C16orf46: variants seen among roughly 807,000 people sequenced by gnomAD.
The protein encoded by C16orf46 is uncharacterized protein C16orf46.
A neutral mutation model predicts 5.5 loss-of-function variants in C16orf46; 7 were observed. The observed-to-expected ratio is 1.28, with a 90% CI of 0.73 to 2.40. The LOEUF (loss-of-function observed/expected upper bound fraction) is 2.40, where lower values mean the gene tolerates loss of function less well. C16orf46 is among the 30% of genes most tolerant of loss of function. C16orf46 has a pLI of 0.00. For synonymous variants in C16orf46, 200 were observed against 184.1 expected (o/e 1.09, Z -0.70); for missense variants, 614 against 476.0 (o/e 1.29, Z -2.70).
At chr16:81,063,480 A>G (rs1232633627) in intron 3 of C16orf46, among the ~76,000 whole-genome samples, 1 of 152,094 alleles carries the variant, frequency 6.6e-6, no homozygotes, top group Non-Finnish European at 1.5e-5. Context: ...TGGGAAGAAA[A>G]CTTGCCCCAT....
At position 81,061,895 on chromosome 16, in the gene C16orf46, A is replaced by G; in HGVS notation, c.454T>C (p.Phe152Leu). ...TTCTCTGCTCGAAAGTAGGTGGGAA[A>G]GCAGATGTCGCTAATTGCCCTGGAA... Reference protein sequence around the residue: ...TASRAISDICFPTYFRAEKKS... With the variant: ...TASRAISDICLPTYFRAEKKS... The change falls in exon 4 of 4, where the codon TTT (phenylalanine) becomes CTT (leucine). Residue 152 changes from phenylalanine to leucine, a missense_variant. Coordinates refer to ENST00000299578, the MANE Select transcript of C16orf46 (RefSeq NM_152337.3). The G allele has an allele frequency of 6.2e-7, 1 of 1,614,212 alleles. No individual in the cohort carries two copies. The highest frequency in any genetic ancestry group is 8.5e-7 in the Non-Finnish European group (1 of 1,180,034).
downstream of C16orf46, chr16:81,060,950 T>G: frequency 7.4e-7 from 1 of 1,344,144 alleles, no homozygotes; most frequent in Non-Finnish European, 9.5e-7. Flanking sequence ...ATGAATATGG[T>G]GTTTTAGAAA....
At chr16:81,064,575 C>T (rs922888736) in intron 2 of C16orf46, among the ~76,000 whole-genome samples, 1 of 151,748 alleles carries the variant, frequency 6.6e-6, no homozygotes, top group Admixed American at 6.6e-5. Flanking sequence ...TGGCGAAACC[C>T]CATCTCTACC....
intron 2 of C16orf46, among the ~76,000 whole-genome samples, chr16:81,065,923 A>T (rs1263732002): frequency 6.6e-6 from 1 of 151,380 alleles, no homozygotes; most frequent in Non-Finnish European, 1.5e-5. Context: ...CACTGACAAA[A>T]TTTACTGGAG....
intron 1 of C16orf46, among the ~76,000 whole-genome samples, chr16:81,070,295 G>C (rs1456564935): frequency 6.6e-6 from 1 of 152,150 alleles, no homozygotes; most frequent in African/African-American, 2.4e-5. Flanking sequence ...TGACAAGCAA[G>C]TTTTAGAATT....
intron 3 of C16orf46, chr16:81,055,424 G>A (rs1160085211): frequency 3.3e-5 from 5 of 152,008 alleles, no homozygotes; most frequent in Non-Finnish European, 7.4e-5. Flanking sequence ...TTGGGCATGG[G>A]GGCTCATGCC....
downstream of C16orf46, chr16:81,060,338 C>T (rs892473457): frequency 1.4e-4 from 21 of 152,360 alleles, no homozygotes; most frequent in Non-Finnish European, 2.2e-4. Flanking sequence ...GGCGGAGTTT[C>T]GCTCTTATTG....
intron 2 of C16orf46, 125 bp from the exon 3 acceptor site, chr16:81,064,118 G>C: frequency 1.8e-6 from 1 of 554,824 alleles, no homozygotes; most frequent in Non-Finnish European, 3.1e-6. Flanking sequence ...GGTGGCTCAT[G>C]CCTGTAATTC....
downstream of C16orf46, among the ~76,000 whole-genome samples, chr16:81,056,923 C>T (rs1020654032): frequency 6.6e-5 from 10 of 152,088 alleles, no homozygotes; most frequent in South Asian, 2.1e-4. Context: ...GCAGCAAAGG[C>T]GGTGGGCTCC....
At chr16:81,071,790 A>G (rs1169736880) in intron 1 of C16orf46, among the ~76,000 whole-genome samples, 2 of 152,362 alleles carry the variant, frequency 1.3e-5, no homozygotes, top group East Asian at 1.9e-4. Flanking sequence ...AGAATAACTC[A>G]TTAGTGGTAC....
At position 81,073,404 on chromosome 16, in the gene C16orf46, A is replaced by G. The variant is rs1276309982; in HGVS notation, c.-128+3732T>C. Among the ~76,000 whole-genome samples, 4 of 152,330 alleles carry G rather than the reference A, an allele frequency of 2.6e-5. No homozygotes were observed. The East Asian group carries it at 5.8e-4, about 22-fold the overall frequency. On this transcript the variant is annotated intron_variant, in intron 1 of 3. Transcript: ENST00000299578. The stretch of plus-strand genomic sequence containing the variant: ...CATGGAGAGAAAAATGGGTAAAAAT[A>G]CCTGCTGCAATAAGCTCTTCTAGAA...
intron 1 of C16orf46, among the ~76,000 whole-genome samples, chr16:81,070,487 C>A (rs908179804): frequency 3.3e-5 from 5 of 151,994 alleles, no homozygotes; most frequent in African/African-American, 1.2e-4. Context: ...CAGAAATACA[C>A]CCCCCCAAAC....
At chr16:81,071,689 TA>T (rs1971858471) in intron 1 of C16orf46, among the ~76,000 whole-genome samples, 2 of 152,138 alleles carry the variant, frequency 1.3e-5, no homozygotes, top group Middle Eastern at 3.4e-3. Context: ...ATCTTGTCTC[TA>T]AATCAATAAA....
Position 81,061,864 on chromosome 16 carries a change from CTTTT to C in C16orf46, c.481_484del (p.Lys161ValfsTer42). 7 of 1,614,162 alleles carry C rather than the reference CTTTT, an allele frequency of 4.3e-6. No individual in the cohort carries two copies. Among genetic ancestry groups the C allele is most frequent in the Non-Finnish European group, 5.9e-6 (7 of 1,180,018 alleles). The stretch of plus-strand genomic sequence containing the variant: ...CCAAATAAACTCCTTGATTTGCAGA[CTTTT>C]TTTCTCTGCTCGAAAGTAGGTGGGA... On this transcript the variant is annotated frameshift_variant, in exon 4 of 4. Coordinates refer to ENST00000299578, the MANE Select transcript of C16orf46 (RefSeq NM_152337.3). LOFTEE classifies it low-confidence loss of function (END_TRUNC).
At chr16:81,053,850 C>T in exon 4 of C16orf46, 1 of 476,652 alleles carries the variant, frequency 2.1e-6, no homozygotes, top group Non-Finnish European at 3.7e-6. Context: ...TTTTTGGGGG[C>T]CGGGTTGGGG....
At chr16:81,071,286 G>A (rs1376232423) in intron 1 of C16orf46, among the ~76,000 whole-genome samples, 1 of 152,172 alleles carries the variant, frequency 6.6e-6, no homozygotes, top group African/African-American at 2.4e-5. Flanking sequence ...GTCAAACGTG[G>A]CAGGTTATCA....
At chr16:81,063,230 G>A (rs999166121) in intron 3 of C16orf46, among the ~76,000 whole-genome samples, 1 of 129,116 alleles carries the variant, frequency 7.7e-6, no homozygotes, top group African/African-American at 2.9e-5. Context: ...GCGACAGAAA[G>A]AGACTCCATC....
chr16:81,067,373 G>A (rs1374052238), intron 1 of C16orf46, among the ~76,000 whole-genome samples: 2 of 152,146 alleles, frequency 1.3e-5, no homozygotes. Flanking sequence ...ATGAGGACAT[G>A]GGGATTAACT....
downstream of C16orf46, among the ~76,000 whole-genome samples, chr16:81,057,022 T>C (rs1971316894): frequency 6.6e-6 from 1 of 152,080 alleles, no homozygotes; most frequent in African/African-American, 2.4e-5. Flanking sequence ...CATTTTTCGT[T>C]GTCATGACTG....
Sources: allele counts gnomAD v4.1 joint callset (sites outside exome capture counted in the v4.1 genomes callset), GRCh38; gene constraint gnomAD v4.1.1; transcripts MANE v1.5; gene names NCBI Gene and HGNC (gene_info 2026-07-23, HGNC 2026-07-21).